ACSS3: variants seen among roughly 807,000 people sequenced by gnomAD.
ACSS3 encodes acyl-CoA synthetase short chain family member 3, also known as acyl-CoA synthetase short-chain family member 3, mitochondrial.
Under a neutral mutation model 84.2 loss-of-function variants are expected in ACSS3, and 64 were observed. The observed-to-expected ratio is 0.76, with a 90% CI of 0.62 to 0.94. The LOEUF (loss-of-function observed/expected upper bound fraction) is 0.94. Ranked by LOEUF, ACSS3 falls within the 40% of genes least tolerant of loss-of-function variation. ACSS3 has a pLI of 0.00. For synonymous variants in ACSS3, 317 were observed against 310.1 expected (o/e 1.02, Z -0.23); for missense variants, 815 against 867.6 (o/e 0.94, Z 0.76).
chr12:81,078,531 A>G, intron 1 of ACSS3, 100 bp downstream of exon 1: 1 of 1,354,374 alleles, frequency 7.4e-7, no homozygotes, highest in Non-Finnish European at 1.0e-6. Context: ...ATCACGAAAG[A>G]AAATTGAAAC....
chr12:81,160,846 C>T (rs1286831410), intron 7 of ACSS3, among the ~76,000 whole-genome samples: 1 of 152,080 alleles, frequency 6.6e-6, no homozygotes, highest in African/African-American at 2.4e-5. Context: ...ATTTCTGACA[C>T]TTCTGTTTAT....
chr12:81,187,077 C>T (rs1182048549), intron 8 of ACSS3, among the ~76,000 whole-genome samples: 2 of 151,752 alleles, frequency 1.3e-5, no homozygotes, highest in African/African-American at 4.8e-5. Context: ...AAGCTGGAGA[C>T]ACTACGTTGT....
At chr12:81,118,405 C>T (rs1884242727) in intron 2 of ACSS3, among the ~76,000 whole-genome samples, 1 of 152,108 alleles carries the variant, frequency 6.6e-6, no homozygotes, top group Admixed American at 6.6e-5. Flanking sequence ...ATGTATGTCC[C>T]AACTCTTGGG....
At chr12:81,084,354 TAGC>T (rs1180119043) in intron 1 of ACSS3, among the ~76,000 whole-genome samples, 2 of 152,132 alleles carry the variant, frequency 1.3e-5, no homozygotes, top group African/African-American at 4.8e-5. Flanking sequence ...ACTAGGGTAA[TAGC>T]AGGAGGTGTA....
chr12:81,237,058 T>C (rs887128170), intron 13 of ACSS3, among the ~76,000 whole-genome samples: 2 of 151,528 alleles, frequency 1.3e-5, no homozygotes, highest in Admixed American at 6.6e-5. Context: ...ATGTCTTTAA[T>C]CAAAACTCTA....
chr12:81,128,713 A>T (rs1273526884), intron 2 of ACSS3, among the ~76,000 whole-genome samples: 1 of 152,208 alleles, frequency 6.6e-6, no homozygotes, highest in Non-Finnish European at 1.5e-5. Flanking sequence ...CTAATAATAG[A>T]AATTGTAACT....
intron 9 of ACSS3, among the ~76,000 whole-genome samples, chr12:81,200,787 G>T (rs1244320149): frequency 2.0e-5 from 3 of 151,056 alleles, no homozygotes; most frequent in Admixed American, 6.6e-5. Flanking sequence ...TGTAATCTCA[G>T]CTACTCGGGA....
intron 13 of ACSS3, among the ~76,000 whole-genome samples, chr12:81,234,364 A>G (rs918251010): frequency 6.6e-6 from 1 of 151,454 alleles, no homozygotes; most frequent in Admixed American, 6.6e-5. Flanking sequence ...TACACATTCA[A>G]ATACAGGTGT....
intron 7 of ACSS3, among the ~76,000 whole-genome samples, chr12:81,156,127 T>G (rs1886850427): frequency 6.6e-6 from 1 of 151,822 alleles, no homozygotes; most frequent in Non-Finnish European, 1.5e-5. Context: ...ACAATTGGAA[T>G]CTAATCAATA....
intron 15 of ACSS3, among the ~76,000 whole-genome samples, chr12:81,254,540 A>G (rs2034248145): frequency 6.6e-6 from 1 of 152,180 alleles, no homozygotes; most frequent in Non-Finnish European, 1.5e-5. Context: ...AACAGTAAGG[A>G]GTAGTTATGT....
intron 1 of ACSS3, chr12:81,094,417 A>G (rs1265113094): frequency 1.3e-5 from 2 of 152,190 alleles, no homozygotes; most frequent in African/African-American, 4.8e-5. Flanking sequence ...AGATCTTTTT[A>G]TCATAAGCAG....
In ACSS3 at chr12:81,081,445, A is replaced by C. The variant is rs147418476; in HGVS notation, c.311+3014A>C. Among the ~76,000 whole-genome samples the C allele has an allele frequency of 2.6e-3, 389 of 152,320 alleles. 1 individual carries two copies. Among genetic ancestry groups the C allele is most frequent in the Non-Finnish European group, 3.5e-3 (236 of 68,030 alleles). On this transcript the variant is annotated intron_variant, in intron 1 of 15. Coordinates refer to ENST00000548058, the MANE Select transcript of ACSS3 (RefSeq NM_024560.4). ...ATTGTTAACACCTGGCTCTTTGGGT[A>C]ATAAAGTCTCTATTAGAGAGACTTC...
At chr12:81,086,096 C>G (rs1306875937) in intron 1 of ACSS3, among the ~76,000 whole-genome samples, 1 of 152,100 alleles carries the variant, frequency 6.6e-6, no homozygotes, top group Non-Finnish European at 1.5e-5. Context: ...CTACATTAAA[C>G]TGTTTGGGAA....
intron 5 of ACSS3, among the ~76,000 whole-genome samples, chr12:81,148,947 C>T (rs955086711): frequency 8.7e-5 from 13 of 149,784 alleles, no homozygotes; most frequent in Non-Finnish European, 1.3e-4. Context: ...TGGCATGCCT[C>T]TGTAGTCCTG....
At chr12:81,236,239 A>T (rs141113798) in intron 13 of ACSS3, among the ~76,000 whole-genome samples, 3 of 151,506 alleles carry the variant, frequency 2.0e-5, no homozygotes, top group Non-Finnish European at 4.4e-5. Flanking sequence ...TTTCTTTTTA[A>T]CAATGTTACG....
At chr12:81,207,849 G>T (rs1297078613) in intron 9 of ACSS3, among the ~76,000 whole-genome samples, 1 of 152,054 alleles carries the variant, frequency 6.6e-6, no homozygotes, top group East Asian at 1.9e-4. Flanking sequence ...TAAACACAAG[G>T]TTATTTATGG....
intron 13 of ACSS3, among the ~76,000 whole-genome samples, chr12:81,237,430 T>C (rs543657514): frequency 9.9e-5 from 15 of 151,798 alleles, no homozygotes; most frequent in African/African-American, 3.6e-4. Flanking sequence ...AGTTATAATA[T>C]TTAAGTTAAA....
intron 13 of ACSS3, among the ~76,000 whole-genome samples, chr12:81,236,083 T>G (rs145432664): frequency 2.0e-3 from 303 of 151,584 alleles, no homozygotes; most frequent in African/African-American, 7.0e-3. Flanking sequence ...TGGTGCTAAC[T>G]GTAGGTATTT....
chr12:81,120,379 T>G (rs1308013294), intron 2 of ACSS3, among the ~76,000 whole-genome samples: 1 of 152,142 alleles, frequency 6.6e-6, no homozygotes, highest in Non-Finnish European at 1.5e-5. Context: ...AATGAACACT[T>G]GTACCTGTTA....
Sources: allele counts gnomAD v4.1 joint callset (sites outside exome capture counted in the v4.1 genomes callset), GRCh38; gene constraint gnomAD v4.1.1; transcripts MANE v1.5; gene names NCBI Gene and HGNC (gene_info 2026-07-23, HGNC 2026-07-21).